CALM2: variants seen among roughly 807,000 people sequenced by gnomAD.
CALM2 encodes the protein calmodulin 2.
Under a neutral mutation model 19.8 loss-of-function variants are expected in CALM2, and 2 were observed. That is an observed-to-expected ratio of 0.10 (90% confidence interval 0.04 to 0.32). CALM2 has a LOEUF of 0.32. Ranked by LOEUF, CALM2 falls within the 10% of genes least tolerant of loss-of-function variation. The probability of loss-of-function intolerance (pLI) is 1.00; values close to 1 mark genes in which losing one functional copy is unlikely to be tolerated. For missense variants in CALM2, 38 were observed against 178.7 expected, an observed-to-expected ratio of 0.21 and a Z score of 4.49; for synonymous variants, 51 against 52.1, an observed-to-expected ratio of 0.98 and a Z score of 0.09.
chr2:47,175,971 C>G (rs1666851604), intron 1 of CALM2, among the ~76,000 whole-genome samples: 1 of 151,836 alleles, frequency 6.6e-6, no homozygotes, highest in Non-Finnish European at 1.5e-5. Flanking sequence ...GCGCTCCTCC[C>G]GCCCCCTGGG....
rs1482327064 is a variant in CALM2 at position 47,175,496 on chromosome 2, A to C, written c.3+945T>G. Among the ~76,000 whole-genome samples the C allele has an allele frequency of 1.2e-4, 19 of 152,318 alleles. 1 individual carries two copies. The highest frequency in any genetic ancestry group is 1.2e-3 in the Admixed American group (19 of 15,308). ...CTAGCTGGAGCCGAACACTTTCCCT[A>C]ACAAGATGTGTATTGCGAGGACGCG... is the stretch of plus-strand genomic sequence containing the variant. On this transcript the variant is annotated intron_variant, in intron 1 of 5. Transcript: ENST00000272298.
chr2:47,160,857 A>G (rs1687134320), intron 5 of CALM2, 53 bp from the exon 6 acceptor site: 1 of 775,190 alleles, frequency 1.3e-6, no homozygotes, highest in Non-Finnish European at 2.0e-6. Flanking sequence ...GACCAAAAAA[A>G]AAAAAAAAAA....
intron 1 of CALM2, among the ~76,000 whole-genome samples, chr2:47,175,134 G>A (rs531428172): frequency 2.9e-5 from 4 of 139,590 alleles, no homozygotes; most frequent in Non-Finnish European, 6.0e-5. Context: ...TGAGGTGACC[G>A]GAAAATGCTT....
chr2:47,173,631 A>C (rs974073947), intron 1 of CALM2: 2 of 152,216 alleles, frequency 1.3e-5, no homozygotes, highest in Non-Finnish European at 2.9e-5. Context: ...ATACTGTTGG[A>C]GTTTATCTAG....
chr2:47,170,996 C>T lies in CALM2; in HGVS notation c.4-232G>A, dbSNP rs79484472. ...ACTTCAGAATATTTTTGAAAATATA[C>T]TTTAGAATCCAATAGAAACATTGCT... On this transcript the variant is annotated intron_variant, in intron 1 of 5. Transcript: ENST00000272298. 9.1e-3 allele frequency: 4,275 copies of T among 471,884 alleles called. 42 individuals carry two copies. Among genetic ancestry groups the T allele is most frequent in the Non-Finnish European group, 0.011 (2,902 of 261,958 alleles). The allele number at this position is 471,884 out of a possible 1,614,324, so 29.2% of individuals were successfully genotyped here. A position where few individuals can be genotyped will look rare whatever the true frequency, so the allele number is the denominator to read the frequency against.
At chr2:47,170,862 G>GT in intron 1 of CALM2, 98 bp from the exon 2 acceptor site, 2 of 902,576 alleles carry the variant, frequency 2.2e-6, no homozygotes, top group Non-Finnish European at 3.8e-6. Context: ...ACCATGTACT[G>GT]TTTCATTTAG....
intron 1 of CALM2, chr2:47,173,679 C>A (rs1666750075): frequency 6.6e-6 from 1 of 152,124 alleles, no homozygotes; most frequent in African/African-American, 2.4e-5. Flanking sequence ...ATGTGTGAGC[C>A]CATAGGCTTG....
Position 47,160,327 on chromosome 2 carries a change from T to A in CALM2, c.*449A>T, listed in dbSNP as rs1054633786. ...GTACAGGACCAGCAGTACAAAAAAA[T>A]AGTGTACGAGTACCTGGATAATACA... On this transcript the variant is annotated 3_prime_UTR_variant, in exon 6 of 6. Transcript: ENST00000272298. 7 of 153,684 alleles carry A rather than the reference T, an allele frequency of 4.6e-5. No individual in the cohort carries two copies. The highest frequency in any genetic ancestry group is 1.7e-4 in the African/African-American group (7 of 41,498). 9.5% of individuals were successfully genotyped at this position (153,684 alleles called of 1,614,324 possible). A position where few individuals can be genotyped will look rare whatever the true frequency, so the allele number is the denominator to read the frequency against.
chr2:47,176,885 G>C, upstream of CALM2: 2 of 985,380 alleles, frequency 2.0e-6, no homozygotes, highest in Non-Finnish European at 2.4e-6. Context: ...CCGCCGCCGG[G>C]ACGCGGTGCG....
chr2:47,176,162 G>A, intron 1 of CALM2: 1 of 492,882 alleles, frequency 2.0e-6, no homozygotes, highest in Non-Finnish European at 3.6e-6. Context: ...CCTCATCCCG[G>A]ACCCATCCTC....
At chr2:47,169,871 A>C (rs926563701) in intron 2 of CALM2, among the ~76,000 whole-genome samples, 1 of 152,090 alleles carries the variant, frequency 6.6e-6, no homozygotes, top group Non-Finnish European at 1.5e-5. Context: ...CTTACTGTGA[A>C]AACTGTGGCA....
chr2:47,176,407 A>C, intron 1 of CALM2, 34 bp downstream of exon 1: 1 of 1,611,510 alleles, frequency 6.2e-7, no homozygotes, highest in Non-Finnish European at 8.5e-7. Context: ...TTCCCCCCAC[A>C]GGCCCAGCGC....
In CALM2 at chr2:47,160,850, CAAAAAAAAAAAAA is replaced by C. The variant is rs55773607; in HGVS notation, c.422-59_422-47del. On this transcript the variant is annotated intron_variant, in intron 5 of 5. Transcript: ENST00000272298. ...AAAAAATGAGTCAATAGCAAAAGAC[CAAAAAAAAAAAAA>C]AAAAAAAAAAATCACATTTACTCAA... The C allele has an allele frequency of 3.8e-5, 14 of 372,020 alleles. No homozygotes were observed. In the South Asian group the frequency reaches 8.3e-4, roughly 22 times the overall value. The allele number at this position is 372,020 out of a possible 1,614,324, so 23.0% of individuals were successfully genotyped here. A position where few individuals can be genotyped will look rare whatever the true frequency, so the allele number is the denominator to read the frequency against.
At chr2:47,166,419 G>A (rs1039420511) in intron 2 of CALM2, among the ~76,000 whole-genome samples, 1 of 152,144 alleles carries the variant, frequency 6.6e-6, no homozygotes. Flanking sequence ...CTAAATACTG[G>A]AAGATGCATA....
At chr2:47,169,415 C>T (rs1666597560) in intron 2 of CALM2, among the ~76,000 whole-genome samples, 1 of 152,126 alleles carries the variant, frequency 6.6e-6, no homozygotes, top group African/African-American at 2.4e-5. Flanking sequence ...CTGCCTCAGC[C>T]TCCCAAAGTG....
At chr2:47,175,169 G>A (rs191569902) in intron 1 of CALM2, among the ~76,000 whole-genome samples, 41 of 132,638 alleles carry the variant, frequency 3.1e-4, no homozygotes, top group African/African-American at 1.2e-3. Context: ...CTCCTCCCCC[G>A]CATACACTCT....
chr2:47,160,576 C>G lies in CALM2; in HGVS notation c.*200G>C. 2.2e-6 allele frequency: 1 copy of G among 456,930 alleles called. No individual in the cohort carries two copies. The highest frequency in any genetic ancestry group is 4.0e-6 in the Non-Finnish European group (1 of 251,984). The allele number at this position is 456,930 out of a possible 1,614,324, so 28.3% of individuals were successfully genotyped here. A position where few individuals can be genotyped will look rare whatever the true frequency, so the allele number is the denominator to read the frequency against. ...AGAGTAAGCCACATGCAACATGTTA[C>G]TTGATCAATTTTCTAAAATAAGGTT... On this transcript the variant is annotated 3_prime_UTR_variant, in exon 6 of 6. Transcript: ENST00000272298.
intron 1 of CALM2, chr2:47,172,483 T>C (rs1666703258): frequency 2.5e-6 from 3 of 1,199,356 alleles, no homozygotes; most frequent in Non-Finnish European, 3.3e-6. Context: ...TGATAACCAT[T>C]ATTTCATATA....
intron 3 of CALM2, 47 bp from the exon 4 acceptor site, chr2:47,162,439 A>C (rs1687187388): frequency 6.2e-7 from 1 of 1,607,138 alleles, no homozygotes; most frequent in Non-Finnish European, 8.5e-7. Flanking sequence ...GAAACATATA[A>C]GCAAACAGCA....
Sources: gnomAD v4.1 joint callset for allele counts (sites outside exome capture counted in the v4.1 genomes callset) on GRCh38, gnomAD v4.1.1 for gene constraint, MANE v1.5 for transcripts, NCBI Gene and HGNC (gene_info 2026-07-23, HGNC 2026-07-21) for gene names.